The following FBXW10B variants were observed in gnomAD, a reference collection of about 807,000 sequenced individuals.
The protein encoded by FBXW10B is F-box and WD repeat domain containing protein 10B.
At chr17:15,618,918 T>A in the FBXW10B span, 11 of 1,553,852 alleles carry the variant, frequency 7.1e-6, no homozygotes, top group African/African-American at 1.4e-5. Context: ...TCTACCTATG[T>A]TGTCTACAAC....
the FBXW10B span, chr17:15,569,097 C>T: frequency 8.1e-6 from 5 of 615,984 alleles, no homozygotes; most frequent in Non-Finnish European, 7.1e-6. Context: ...CTATAATAAA[C>T]ATGAGTACAG....
the FBXW10B span, among the ~76,000 whole-genome samples, chr17:15,600,453 A>G: frequency 6.7e-6 from 1 of 148,916 alleles, no homozygotes; most frequent in Admixed American, 6.8e-5. Context: ...TTCTGTTTCT[A>G]GCAATATGGT....
chr17:15,602,356 T>A, the FBXW10B span, among the ~76,000 whole-genome samples: 3 of 152,086 alleles, frequency 2.0e-5, no homozygotes, highest in African/African-American at 7.2e-5. Flanking sequence ...TATATAGTAG[T>A]TGCTGTGGGG....
chr17:15,584,930 C>G, the FBXW10B span, among the ~76,000 whole-genome samples: 1 of 151,572 alleles, frequency 6.6e-6, no homozygotes, highest in Non-Finnish European at 1.5e-5. Flanking sequence ...CAACTGGCCT[C>G]CACAGAACTT....
At chr17:15,585,715 C>G in the FBXW10B span, among the ~76,000 whole-genome samples, 5 of 152,150 alleles carry the variant, frequency 3.3e-5, no homozygotes, top group African/African-American at 4.8e-5. Context: ...TTTCAAAACA[C>G]TCTCATAATA....
chr17:15,605,472 C>T, the FBXW10B span: 1 of 1,345,928 alleles, frequency 7.4e-7, no homozygotes, highest in African/African-American at 1.5e-5. Flanking sequence ...GTCAGTGTCC[C>T]TCCTGGGACT....
the FBXW10B span, among the ~76,000 whole-genome samples, chr17:15,566,590 T>TC: frequency 1.3e-5 from 2 of 151,734 alleles, no homozygotes; most frequent in Non-Finnish European, 2.9e-5. Context: ...AGACGGAGTC[T>TC]CGCTCTGTCA....
the FBXW10B span, chr17:15,613,560 A>C: frequency 1.8e-5 from 26 of 1,427,932 alleles, no homozygotes; most frequent in Non-Finnish European, 2.3e-5. Flanking sequence ...TATCAGCCTC[A>C]ACACGAAAAT....
chr17:15,608,116 AGC>A, the FBXW10B span, among the ~76,000 whole-genome samples: 2 of 151,530 alleles, frequency 1.3e-5, no homozygotes, highest in Admixed American at 1.3e-4. Context: ...GGGGATTTTA[AGC>A]CAACTGTGAA....
chr17:15,566,546 A>C, the FBXW10B span, among the ~76,000 whole-genome samples: 2 of 150,718 alleles, frequency 1.3e-5, no homozygotes, highest in Admixed American at 6.6e-5. Flanking sequence ...AATTTAATAA[A>C]ACAAATTTTT....
chr17:15,585,090 T>A, the FBXW10B span, among the ~76,000 whole-genome samples: 1 of 150,132 alleles, frequency 6.7e-6, no homozygotes, highest in African/African-American at 2.5e-5. Context: ...AAAAAAAAAA[T>A]CTGTTCTTAT....
chr17:15,613,680 C>A, the FBXW10B span: 2 of 1,601,950 alleles, frequency 1.2e-6, no homozygotes, highest in Non-Finnish European at 1.7e-6. Flanking sequence ...ACCTGTTGAG[C>A]CATGGCGGCC....
At chr17:15,584,039 G>A in the FBXW10B span, among the ~76,000 whole-genome samples, 2 of 152,296 alleles carry the variant, frequency 1.3e-5, no homozygotes, top group East Asian at 3.9e-4. Context: ...CTGACAGTAC[G>A]TGTCAAAATC....
At chr17:15,576,293 C>T in the FBXW10B span, among the ~76,000 whole-genome samples, 542 of 152,284 alleles carry the variant, frequency 3.6e-3, no homozygotes, top group South Asian at 0.013. Context: ...TTATTTTCTT[C>T]AATTCATCAA....
At chr17:15,574,111 G>C in the FBXW10B span, 60 of 741,046 alleles carry the variant, frequency 8.1e-5, 1 homozygote, top group Admixed American at 9.8e-4. Flanking sequence ...AGAGGCTTCT[G>C]GCACTGGTGC....
the FBXW10B span, among the ~76,000 whole-genome samples, chr17:15,601,049 CAAAAAA>C: frequency 7.1e-5 from 2 of 28,258 alleles, no homozygotes; most frequent in African/African-American, 1.3e-4. Flanking sequence ...GACTCCATCT[CAAAAAA>C]AAAAAAAAAA....
the FBXW10B span, chr17:15,615,660 C>A: frequency 6.2e-7 from 1 of 1,613,794 alleles, no homozygotes; most frequent in South Asian, 1.1e-5. Flanking sequence ...TTAGATGCTG[C>A]CCCAAGGAAG....
chr17:15,615,604 C>T, the FBXW10B span: 7 of 1,612,730 alleles, frequency 4.3e-6, no homozygotes, highest in Middle Eastern at 3.3e-4. Flanking sequence ...TGAGCCACCG[C>T]ACCTAGCCCA....
the FBXW10B span, among the ~76,000 whole-genome samples, chr17:15,577,971 A>G: frequency 1.3e-5 from 2 of 150,290 alleles, no homozygotes; most frequent in Admixed American, 1.3e-4. Context: ...GGAGGGGCTC[A>G]GGAAGGTGAG....
Sources: gnomAD v4.1 joint callset for allele counts (sites outside exome capture counted in the v4.1 genomes callset) on GRCh38, gnomAD v4.1.1 for gene constraint, MANE v1.5 for transcripts, NCBI Gene and HGNC (gene_info 2026-07-23, HGNC 2026-07-21) for gene names.